The following ADAMTS3 variants were observed in gnomAD, a reference collection of about 807,000 sequenced individuals.
The protein encoded by ADAMTS3 is ADAM metallopeptidase with thrombospondin type 1 motif 3, also known as A disintegrin and metalloproteinase with thrombospondin motifs 3.
ADAMTS3 carries 73 observed loss-of-function variants against 129.0 expected under a neutral mutation model. The observed-to-expected ratio is 0.57, with a 90% confidence interval of 0.47 to 0.69. ADAMTS3 has a LOEUF of 0.69. Among genes scored for constraint, ADAMTS3 ranks in the 30% least tolerant of loss-of-function variants. ADAMTS3 has a pLI of 0.00. For synonymous variants in ADAMTS3, 477 were observed against 510.8 expected (o/e 0.93, Z 0.89); for missense variants, 1,457 against 1,514.5 (o/e 0.96, Z 0.63).
chr4:72,473,930 C>A (rs1719152129), intron 3 of ADAMTS3, among the ~76,000 whole-genome samples: 1 of 152,142 alleles, frequency 6.6e-6, no homozygotes, highest in Non-Finnish European at 1.5e-5. Context: ...TCAGTGAAGA[C>A]CATGTGGAGA....
intron 3 of ADAMTS3, among the ~76,000 whole-genome samples, chr4:72,453,019 T>C (rs924599857): frequency 2.0e-5 from 3 of 151,770 alleles, no homozygotes; most frequent in Non-Finnish European, 4.4e-5. Flanking sequence ...TGCTCAGAGA[T>C]TTGCTATTAC....
intron 3 of ADAMTS3, among the ~76,000 whole-genome samples, chr4:72,522,176 A>G (rs186667571): frequency 6.6e-6 from 1 of 152,152 alleles, no homozygotes; most frequent in African/African-American, 2.4e-5. Context: ...CTTCTCCTAC[A>G]CACAAATCCA....
chr4:72,516,422 TGGGCAGTATGGCCATTCTCAGGATATTG>T (rs1560546091), intron 3 of ADAMTS3, among the ~76,000 whole-genome samples: 1 of 152,178 alleles, frequency 6.6e-6, no homozygotes, highest in Non-Finnish European at 1.5e-5. Flanking sequence ...TAAATTACCT[TGGGCAGTATGGCCATTCTCAGGATATTG>T]ATTCTTCCTA....
chr4:72,529,894 AT>A (rs1326165537), intron 3 of ADAMTS3, among the ~76,000 whole-genome samples: 2 of 67,338 alleles, frequency 3.0e-5, no homozygotes, highest in Non-Finnish European at 5.1e-5. Context: ...TATATTATAT[AT>A]TATATATAAA....
intron 14 of ADAMTS3, 108 bp from the exon 15 acceptor site, chr4:72,309,628 T>C: frequency 8.0e-7 from 1 of 1,253,212 alleles, no homozygotes; most frequent in Non-Finnish European, 1.1e-6. Context: ...AGTCAGCCAA[T>C]TTATAGCAAA....
intron 3 of ADAMTS3, among the ~76,000 whole-genome samples, chr4:72,429,439 A>T (rs541400447): frequency 9.9e-5 from 15 of 152,178 alleles, no homozygotes; most frequent in African/African-American, 3.1e-4. Flanking sequence ...ATAGGAGGGA[A>T]AAAGCTTTAA....
chr4:72,536,743 C>A (rs1220955612), intron 3 of ADAMTS3, among the ~76,000 whole-genome samples: 1 of 152,110 alleles, frequency 6.6e-6, no homozygotes, highest in Admixed American at 6.5e-5. Context: ...CAACATGAGT[C>A]CTTTCCTTTG....
chr4:72,333,423 A>C (rs16847840), intron 5 of ADAMTS3, among the ~76,000 whole-genome samples: 10,228 of 152,194 alleles, frequency 0.067, 893 homozygotes, highest in East Asian at 0.26. Context: ...TTCAATAGCA[A>C]ATCCTACTGA....
At position 72,339,494 on chromosome 4, in the gene ADAMTS3, A is replaced by T. The variant is rs1215357917; in HGVS notation, c.861T>A (p.Ile287=). ...GCTTTAAAAAGGAGTCACTACTCAC[A>T]ATGTTCATTAGGGTCAGGAGGTAGT... The part of the protein sequence containing the change: ...VQNYLLTLMN[I]VNEIYHDESL... Residue 287 remains isoleucine, a splice_region_variant and synonymous_variant, in exon 5 of 22, where the codon ATT becomes ATA. Coordinates refer to ENST00000286657, the MANE Select transcript of ADAMTS3 (RefSeq NM_014243.3). The T allele has an allele frequency of 6.2e-7, 1 of 1,613,826 alleles. No individual in the cohort carries two copies.
chr4:72,303,362 G>C (rs1451611642), intron 17 of ADAMTS3, among the ~76,000 whole-genome samples: 1 of 151,830 alleles, frequency 6.6e-6, no homozygotes, highest in Non-Finnish European at 1.5e-5. Flanking sequence ...CTCGCTGCAA[G>C]ATCATAAAAA....
At chr4:72,434,678 G>A (rs1038072313) in intron 3 of ADAMTS3, among the ~76,000 whole-genome samples, 1 of 151,842 alleles carries the variant, frequency 6.6e-6, no homozygotes, top group Non-Finnish European at 1.5e-5. Context: ...CAAAGGAAGG[G>A]GGTTTTGCAG....
intron 21 of ADAMTS3, among the ~76,000 whole-genome samples, chr4:72,287,816 CAGA>C (rs972630218): frequency 2.3e-4 from 35 of 152,026 alleles, no homozygotes; most frequent in African/African-American, 8.0e-4. Flanking sequence ...GAAATGGAGG[CAGA>C]AGGAGACAGT....
intron 3 of ADAMTS3, among the ~76,000 whole-genome samples, chr4:72,425,397 A>C (rs927626613): frequency 4.6e-5 from 7 of 152,204 alleles, no homozygotes; most frequent in African/African-American, 1.7e-4. Flanking sequence ...GGTTAGTTAC[A>C]CATGGATACA....
chr4:72,378,526 G>A (rs372921136), intron 4 of ADAMTS3, among the ~76,000 whole-genome samples: 3 of 152,104 alleles, frequency 2.0e-5, no homozygotes, highest in Admixed American at 6.6e-5. Context: ...TAGATAGGCC[G>A]TTAGTAGTAA....
chr4:72,352,148 C>G (rs959169374), intron 4 of ADAMTS3, among the ~76,000 whole-genome samples: 1 of 151,892 alleles, frequency 6.6e-6, no homozygotes, highest in African/African-American at 2.4e-5. Flanking sequence ...ATATTCAATT[C>G]AAATTGAGGA....
At chr4:72,472,684 C>A (rs1382452898) in intron 3 of ADAMTS3, among the ~76,000 whole-genome samples, 1 of 151,994 alleles carries the variant, frequency 6.6e-6, no homozygotes, top group African/African-American at 2.4e-5. Context: ...CAATATATAA[C>A]AGAAAAATCA....
At chr4:72,479,221 A>G (rs1719347983) in intron 3 of ADAMTS3, among the ~76,000 whole-genome samples, 1 of 152,212 alleles carries the variant, frequency 6.6e-6, no homozygotes, top group Admixed American at 6.5e-5. Flanking sequence ...ACCAAAAAAG[A>G]GCCCGCATTG....
chr4:72,496,980 A>T (rs59096704), intron 3 of ADAMTS3, among the ~76,000 whole-genome samples: 3 of 151,934 alleles, frequency 2.0e-5, no homozygotes, highest in African/African-American at 7.3e-5. Context: ...TTTGCACAAT[A>T]ACAATTCTAA....
intron 3 of ADAMTS3, among the ~76,000 whole-genome samples, chr4:72,526,101 G>T (rs1720799532): frequency 6.6e-6 from 1 of 152,282 alleles, no homozygotes; most frequent in East Asian, 1.9e-4. Context: ...CCGGTGCCCA[G>T]GCAGCTGGCC....
Sources: allele counts gnomAD v4.1 joint callset (sites outside exome capture counted in the v4.1 genomes callset), GRCh38; gene constraint gnomAD v4.1.1; transcripts MANE v1.5; gene names NCBI Gene and HGNC (gene_info 2026-07-23, HGNC 2026-07-21).